Variants in CNTN6 observed in about 807,000 individuals in gnomAD.
CNTN6 encodes contactin 6.
In CNTN6, 137 loss-of-function variants were observed where a neutral mutation model predicts 122.8. The observed-to-expected ratio is 1.12, with a 90% CI of 0.97 to 1.29. The LOEUF (loss-of-function observed/expected upper bound fraction) is 1.29, where lower values mean the gene tolerates loss of function less well. Among genes scored for constraint, CNTN6 ranks in the 50% most tolerant of loss-of-function variants. CNTN6 has a pLI of 0.00. For missense variants in CNTN6, 1,634 were observed against 1,223.4 expected (o/e 1.34, Z -5.01); for synonymous variants, 570 against 426.0 (o/e 1.34, Z -4.16).
At position 1,240,835 on chromosome 3, in the gene CNTN6, G is replaced by C. The variant is rs138128359; in HGVS notation, c.358+12842G>C. ...GTGAAATAAACCCATGCACCTTCAC[G>C]TGGGTGCAGGCGGGCTGAGTCTGAA... is the stretch of plus-strand genomic sequence containing the variant. On this transcript the variant is annotated intron_variant, in intron 4 of 22. Transcript: ENST00000446702. Among the ~76,000 whole-genome samples the C allele has an allele frequency of 3.2e-3, 494 of 152,252 alleles. 4 individuals carry two copies. Among genetic ancestry groups the C allele is most frequent in the African/African-American group, 0.011 (466 of 41,540 alleles).
At chr3:1,217,591 A>C (rs1381709014) in intron 2 of CNTN6, among the ~76,000 whole-genome samples, 1 of 152,230 alleles carries the variant, frequency 6.6e-6, no homozygotes, top group Non-Finnish European at 1.5e-5. Flanking sequence ...GCTTGGGGTG[A>C]TGTTTCAATA....
chr3:1,123,914 G>T (rs909084343), intron 1 of CNTN6, among the ~76,000 whole-genome samples: 1 of 151,904 alleles, frequency 6.6e-6, no homozygotes, highest in African/African-American at 2.4e-5. Context: ...TGTGTTAAAT[G>T]ATTTTCTGTG....
intron 4 of CNTN6, among the ~76,000 whole-genome samples, chr3:1,255,428 AG>A (rs1553642708): frequency 0.023 from 2,992 of 132,022 alleles, 71 homozygotes; most frequent in African/African-American, 0.069. Flanking sequence ...AAAAAAAAAA[AG>A]AAAGAAAGAA....
intron 20 of CNTN6, among the ~76,000 whole-genome samples, chr3:1,388,644 C>T (rs2126211416): frequency 6.9e-6 from 1 of 145,486 alleles, no homozygotes; most frequent in South Asian, 2.2e-4. Flanking sequence ...AAACCAAAGG[C>T]AAAGAAGTTG....
intron 6 of CNTN6, among the ~76,000 whole-genome samples, chr3:1,296,516 G>A (rs1462123983): frequency 6.6e-6 from 1 of 152,072 alleles, no homozygotes; most frequent in Non-Finnish European, 1.5e-5. Context: ...GATTCATACA[G>A]GTAGAAAATT....
chr3:1,141,886 A>G (rs1255390524), intron 1 of CNTN6, among the ~76,000 whole-genome samples: 1 of 152,174 alleles, frequency 6.6e-6, no homozygotes, highest in Non-Finnish European at 1.5e-5. Flanking sequence ...AGAGCTATGC[A>G]TGCACATCTA....
At chr3:1,221,910 G>C (rs971156491) in intron 3 of CNTN6, among the ~76,000 whole-genome samples, 1 of 152,110 alleles carries the variant, frequency 6.6e-6, no homozygotes, top group East Asian at 1.9e-4. Context: ...GGCAAAATAA[G>C]CTGGTTTAGC....
chr3:1,400,521 T>C (rs563128982), intron 20 of CNTN6, among the ~76,000 whole-genome samples: 2 of 152,232 alleles, frequency 1.3e-5, no homozygotes, highest in East Asian at 3.9e-4. Context: ...AGTCGCAGTT[T>C]GGATTTAAAG....
chr3:1,288,995 G>C (rs1694828216), intron 5 of CNTN6, among the ~76,000 whole-genome samples: 1 of 152,182 alleles, frequency 6.6e-6, no homozygotes, highest in African/African-American at 2.4e-5. Flanking sequence ...TTATCATTCA[G>C]CTCTAATGCT....
rs73002344 is a variant in CNTN6, at chr3:1,246,878, T to C, written c.358+18885T>C. Among the ~76,000 whole-genome samples the C allele has an allele frequency of 2.0e-5, 3 of 152,190 alleles. No homozygotes were observed. In the South Asian group the frequency reaches 6.2e-4, roughly 32 times the overall value. On this transcript the variant is annotated intron_variant, in intron 4 of 22. Transcript: ENST00000446702. ...AATTCATTTTTCCATATTTTAATTG[T>C]GTTGTCTTTGTTTTCATTAGTGATT...
intron 20 of CNTN6, among the ~76,000 whole-genome samples, chr3:1,390,599 T>TA (rs1553714362): frequency 6.6e-6 from 1 of 152,012 alleles, no homozygotes. Flanking sequence ...AAAAAACCCT[T>TA]AAAAAATTAA....
At chr3:1,106,350 C>G (rs771676657) in intron 1 of CNTN6, among the ~76,000 whole-genome samples, 1 of 152,056 alleles carries the variant, frequency 6.6e-6, no homozygotes, top group African/African-American at 2.4e-5. Context: ...ATTTACGTTG[C>G]CATAACACAT....
At chr3:1,336,351 C>T (rs534048792) in intron 11 of CNTN6, among the ~76,000 whole-genome samples, 4 of 151,530 alleles carry the variant, frequency 2.6e-5, no homozygotes, top group African/African-American at 4.8e-5. Flanking sequence ...CAATTGTCAC[C>T]GATTATATGA....
intron 4 of CNTN6, among the ~76,000 whole-genome samples, chr3:1,276,010 A>G (rs552998101): frequency 4.7e-4 from 72 of 152,334 alleles, no homozygotes; most frequent in African/African-American, 1.6e-3. Flanking sequence ...GAATTCCTCT[A>G]AACAATACCA....
At chr3:1,117,188 C>T (rs911726949) in intron 1 of CNTN6, among the ~76,000 whole-genome samples, 7 of 152,116 alleles carry the variant, frequency 4.6e-5, no homozygotes, top group South Asian at 2.1e-4. Flanking sequence ...CTTAAACACA[C>T]GTGTGCATTA....
At chr3:1,382,170 C>G (rs772406805) in intron 17 of CNTN6, among the ~76,000 whole-genome samples, 3 of 150,580 alleles carry the variant, frequency 2.0e-5, no homozygotes, top group African/African-American at 4.9e-5. Flanking sequence ...TTTTTCAATA[C>G]AAGTTTCTTG....
At chr3:1,297,463 CA>C (rs1453323731) in intron 6 of CNTN6, among the ~76,000 whole-genome samples, 1 of 152,044 alleles carries the variant, frequency 6.6e-6, no homozygotes, top group African/African-American at 2.4e-5. Flanking sequence ...AGGTATACAG[CA>C]AACTTAGCGG....
intron 2 of CNTN6, among the ~76,000 whole-genome samples, chr3:1,163,258 T>C (rs1324739751): frequency 6.6e-6 from 1 of 152,248 alleles, no homozygotes; most frequent in Non-Finnish European, 1.5e-5. Context: ...TGCTCTGTGC[T>C]GTGTTTCATC....
intron 7 of CNTN6, among the ~76,000 whole-genome samples, chr3:1,312,670 G>T (rs1392192036): frequency 6.6e-6 from 1 of 150,802 alleles, no homozygotes; most frequent in Admixed American, 6.6e-5. Context: ...AGTTCCTTAG[G>T]TGAAGAATGT....
Sources: allele counts gnomAD v4.1 joint callset (sites outside exome capture counted in the v4.1 genomes callset), GRCh38; gene constraint gnomAD v4.1.1; transcripts MANE v1.5; gene names NCBI Gene and HGNC (gene_info 2026-07-23, HGNC 2026-07-21).